MINDY4: variants seen among roughly 807,000 people sequenced by gnomAD.
MINDY4 encodes probable ubiquitin carboxyl-terminal hydrolase MINDY-4.
In MINDY4, 68 loss-of-function variants were observed where a neutral mutation model predicts 87.0. The observed-to-expected ratio is 0.78, with a 90% CI of 0.64 to 0.96. MINDY4 has a LOEUF of 0.96. Among genes scored for constraint, MINDY4 ranks in the 40% least tolerant of loss-of-function variants. MINDY4 has a pLI of 0.00. For missense variants in MINDY4, 919 were observed against 928.2 expected (o/e 0.99, Z 0.13); for synonymous variants, 379 against 363.2 (o/e 1.04, Z -0.50).
At chr7:30,863,872 G>C (rs981254316) in intron 13 of MINDY4, among the ~76,000 whole-genome samples, 2 of 152,112 alleles carry the variant, frequency 1.3e-5, no homozygotes, top group African/African-American at 4.8e-5. Flanking sequence ...TTTCATGCTT[G>C]CCAAGCTTTG....
At chr7:30,860,533 G>A (rs192567109) in intron 13 of MINDY4, among the ~76,000 whole-genome samples, 3 of 152,264 alleles carry the variant, frequency 2.0e-5, no homozygotes, top group East Asian at 1.9e-4. Context: ...CTGGGCTGAC[G>A]GGTTGGGTGG....
At chr7:30,872,937 C>T (rs1790148973) in intron 14 of MINDY4, among the ~76,000 whole-genome samples, 1 of 152,236 alleles carries the variant, frequency 6.6e-6, no homozygotes, top group Non-Finnish European at 1.5e-5. Flanking sequence ...GATGAGGCCT[C>T]CCAGAGTGGC....
chr7:30,825,832 T>G (rs2040836), intron 5 of MINDY4, among the ~76,000 whole-genome samples: 25,804 of 152,176 alleles, frequency 0.17, 2,941 homozygotes, highest in East Asian at 0.4. Flanking sequence ...CATAACAAAT[T>G]ACCACAAAGT....
At chr7:30,853,263 G>T in intron 11 of MINDY4, 131 bp from the exon 12 acceptor site, 1 of 723,070 alleles carries the variant, frequency 1.4e-6, no homozygotes, top group South Asian at 1.6e-5. Context: ...ACTTGGAGAT[G>T]CTGCTCTCTG....
chr7:30,816,181 C>T (rs902963666), intron 5 of MINDY4, among the ~76,000 whole-genome samples: 1 of 151,332 alleles, frequency 6.6e-6, no homozygotes, highest in African/African-American at 2.4e-5. Context: ...AATTGCGTGC[C>T]CGGGTCTCAT....
At chr7:30,804,461 G>T (rs1460921717) in intron 5 of MINDY4, among the ~76,000 whole-genome samples, 2 of 152,180 alleles carry the variant, frequency 1.3e-5, no homozygotes, top group Non-Finnish European at 2.9e-5. Context: ...TTCGAATGGT[G>T]TTGGGGAGAG....
Position 30,791,300 on chromosome 7 carries a change from C to A in MINDY4, c.799C>A (p.Pro267Thr). The A allele has an allele frequency of 6.2e-7, 1 of 1,614,192 alleles. No individual in the cohort carries two copies. Residue 267 changes from proline (P) to threonine (T), a missense_variant, in exon 5 of 18, where the codon CCC becomes ACC. Physicochemically the swap from Pro to Thr is conservative, Grantham distance 38. Transcript: ENST00000265299. The stretch of plus-strand genomic sequence containing the variant: ...CATTCTGGCTTCGAGCAACAGCTCC[C>A]CCTCCAGGACCTCCCTGGGTCAGCT... ...QDILASSNSS[P>T]SRTSLGQLSE...
chr7:30,844,009 G>A (rs1789124263), intron 9 of MINDY4, among the ~76,000 whole-genome samples: 1 of 152,190 alleles, frequency 6.6e-6, no homozygotes, highest in African/African-American at 2.4e-5. Flanking sequence ...CTTCTCCAGC[G>A]AGCCTGGAAG....
chr7:30,798,013 G>A (rs926494934), intron 5 of MINDY4, among the ~76,000 whole-genome samples: 1 of 152,188 alleles, frequency 6.6e-6, no homozygotes, highest in Non-Finnish European at 1.5e-5. Flanking sequence ...AGTTTGGGGT[G>A]CACCTGTCTC....
chr7:30,782,811 G>T (rs766010866), intron 3 of MINDY4, among the ~76,000 whole-genome samples: 1 of 152,184 alleles, frequency 6.6e-6, no homozygotes, highest in Non-Finnish European at 1.5e-5. Flanking sequence ...ACTCAGACAG[G>T]ATTTTTATGT....
At chr7:30,857,498 A>G (rs1789613692) in intron 12 of MINDY4, among the ~76,000 whole-genome samples, 1 of 42,688 alleles carries the variant, frequency 2.3e-5, no homozygotes, top group African/African-American at 4.7e-4. Flanking sequence ...TTTGAGACGG[A>G]GTCTCGCTCT....
chr7:30,780,945 G>C (rs775477585), intron 2 of MINDY4: 1 of 152,232 alleles, frequency 6.6e-6, no homozygotes, highest in Non-Finnish European at 1.5e-5. Flanking sequence ...GAAAAGAATA[G>C]TAAAACTGTC....
Position 30,785,854 on chromosome 7 carries a change from G to A in MINDY4, c.525G>A (p.Leu175=). 2 of 1,614,208 alleles carry A rather than the reference G, an allele frequency of 1.2e-6. No homozygotes were observed. Among genetic ancestry groups the A allele is most frequent in the Non-Finnish European group, 1.7e-6 (2 of 1,180,042 alleles). Residue 175 remains leucine, a synonymous_variant, in exon 4 of 18, where the codon TTG becomes TTA. Transcript: ENST00000265299. ...CGGTCCCGGGTGAAACTCCTGTGTT[G>A]ACTTCTGCATGGGAGAAGATAGACA... is the stretch of plus-strand genomic sequence containing the variant. ...MQTVPGETPV[L]TSAWEKIDKL...
At chr7:30,772,965 C>T (rs908353408) in intron 1 of MINDY4, among the ~76,000 whole-genome samples, 1 of 152,188 alleles carries the variant, frequency 6.6e-6, no homozygotes, top group African/African-American at 2.4e-5. Context: ...TCATTTCTAG[C>T]CTCTCCCACA....
intron 5 of MINDY4, among the ~76,000 whole-genome samples, chr7:30,808,932 GGAGAGAGAGAGA>G (rs55961516): frequency 0.4 from 58,173 of 145,082 alleles, 11,581 homozygotes; most frequent in South Asian, 0.49. Flanking sequence ...AGGGAGTCAA[GGAGAGAGAGAGA>G]GAGAGAGAGA....
chr7:30,840,402 G>C (rs1788994558), intron 8 of MINDY4, among the ~76,000 whole-genome samples: 1 of 152,234 alleles, frequency 6.6e-6, no homozygotes, highest in African/African-American at 2.4e-5. Flanking sequence ...GGGCCTTGAA[G>C]GCTGGGTAGA....
Position 30,827,060 on chromosome 7 carries a change from C to T in MINDY4, c.1074-1619C>T, listed in dbSNP as rs187664843. On this transcript the variant is annotated intron_variant, in intron 5 of 17. Transcript: ENST00000265299. ...GCCAAGGGTGGGTGACACTAAGGGT[C>T]GGGAAACCAGTTCGGAGCCTATTAA... Among the ~76,000 whole-genome samples the T allele has an allele frequency of 1.6e-4, 25 of 152,144 alleles. 2 individuals carry two copies. The South Asian group carries it at 2.9e-3, about 18-fold the overall frequency.
Position 30,892,037 on chromosome 7 carries a change from C to T in MINDY4, c.*32C>T. On this transcript the variant is annotated 3_prime_UTR_variant, in exon 18 of 18. Coordinates refer to ENST00000265299, the MANE Select transcript of MINDY4 (RefSeq NM_032222.3). ...GATGTGGGTAAACCCTGTGGTCCAC[C>T]ACTCATCACCTCATCACCGAGGATG... 6.2e-7 allele frequency: 1 copy of T among 1,611,810 alleles called. No homozygotes were observed. Among genetic ancestry groups the T allele is most frequent in the Admixed American group, 1.7e-5 (1 of 60,026 alleles).
chr7:30,818,457 A>G (rs1328911669), intron 5 of MINDY4, among the ~76,000 whole-genome samples: 1 of 152,186 alleles, frequency 6.6e-6, no homozygotes. Flanking sequence ...TGATGTATTA[A>G]CTCATTTAAT....
Sources: allele counts gnomAD v4.1 joint callset (sites outside exome capture counted in the v4.1 genomes callset), GRCh38; gene constraint gnomAD v4.1.1; transcripts MANE v1.5; gene names NCBI Gene and HGNC (gene_info 2026-07-23, HGNC 2026-07-21).